DIAPH2: variants seen among roughly 807,000 people sequenced by gnomAD.
DIAPH2 encodes diaphanous related formin 2, also known as protein diaphanous homolog 2.
DIAPH2 carries 35 observed loss-of-function variants against 92.7 expected under a neutral mutation model. The observed-to-expected ratio is 0.38, with a 90% CI of 0.29 to 0.50. The LOEUF (loss-of-function observed/expected upper bound fraction) is 0.50, where lower values mean the gene tolerates loss of function less well. Ranked by LOEUF, DIAPH2 falls within the 20% of genes least tolerant of loss-of-function variation. The pLI is 0.94. For missense variants in DIAPH2, 701 were observed against 819.5 expected (o/e 0.86, Z 1.77); for synonymous variants, 301 against 280.4 (o/e 1.07, Z -0.73).
At chrX:97,278,253 C>G (rs1011508265) in intron 23 of DIAPH2, among the ~76,000 whole-genome samples, 3 of 112,245 alleles carry the variant, frequency 2.7e-5, no homozygotes, top group African/African-American at 9.7e-5. Flanking sequence ...TATATCCCTT[C>G]TCTACCTTTC....
intron 26 of DIAPH2, among the ~76,000 whole-genome samples, chrX:97,495,072 C>G (rs2070749636): frequency 8.9e-6 from 1 of 112,621 alleles, no homozygotes; most frequent in Non-Finnish European, 1.9e-5. Context: ...GCATTCTCTA[C>G]TCTGTATTTT....
At chrX:97,585,175 T>G (rs2071471413) in intron 26 of DIAPH2, among the ~76,000 whole-genome samples, 1 of 111,192 alleles carries the variant, frequency 9.0e-6, no homozygotes, top group African/African-American at 3.3e-5. Context: ...AAACACTTTT[T>G]ACTGTACCAT....
At chrX:97,401,392 A>G (rs1211758685) in intron 25 of DIAPH2, among the ~76,000 whole-genome samples, 1 of 111,016 alleles carries the variant, frequency 9.0e-6, no homozygotes, top group Non-Finnish European at 1.9e-5. Flanking sequence ...CTCAGTTTCA[A>G]GTCATAACCT....
At chrX:97,046,657 A>G (rs1223195311) in intron 17 of DIAPH2, among the ~76,000 whole-genome samples, 14 of 112,160 alleles carry the variant, frequency 1.2e-4, no homozygotes, top group Non-Finnish European at 1.9e-5. Flanking sequence ...AGAATGCCAT[A>G]CAAATGCAGG....
At chrX:96,971,803 A>G (rs1306597784) in intron 17 of DIAPH2, among the ~76,000 whole-genome samples, 1 of 111,822 alleles carries the variant, frequency 8.9e-6, no homozygotes, top group African/African-American at 3.3e-5. Flanking sequence ...TTCTGAAAGG[A>G]CATATACAGG....
chrX:96,733,228 T>C (rs899980738), intron 1 of DIAPH2, among the ~76,000 whole-genome samples: 1 of 111,989 alleles, frequency 8.9e-6, no homozygotes. Flanking sequence ...TTATAGACTA[T>C]GTTAGAACGT....
chrX:97,527,256 A>G (rs775594753), intron 26 of DIAPH2, among the ~76,000 whole-genome samples: 38 of 112,368 alleles, frequency 3.4e-4, no homozygotes, highest in Non-Finnish European at 6.6e-4. Flanking sequence ...TAAGATTAAA[A>G]GTAGAGCATA....
chrX:96,754,867 T>C (rs1470381694), intron 3 of DIAPH2, among the ~76,000 whole-genome samples: 1 of 88,067 alleles, frequency 1.1e-5, no homozygotes, highest in East Asian at 3.5e-4. Flanking sequence ...GAGGTTGCAG[T>C]GAGCCAAGAT....
Position 97,477,638 on chromosome X carries a change from A to G in DIAPH2, c.3241+47893A>G, listed in dbSNP as rs181501139. On this transcript the variant is annotated intron_variant, in intron 26 of 26. Transcript: ENST00000324765. The stretch of plus-strand genomic sequence containing the variant: ...TCTATCTATCTATCTATATATATAT[A>G]TGTGTGTGTGTGTGTATACATGTAT... Among the ~76,000 whole-genome samples, 409 of 109,946 alleles carry G rather than the reference A, an allele frequency of 3.7e-3. 1 individual carries two copies. Among genetic ancestry groups the G allele is most frequent in the African/African-American group, 9.4e-3 (285 of 30,178 alleles).
chrX:96,983,173 C>T (rs1251998283), intron 17 of DIAPH2, among the ~76,000 whole-genome samples: 1 of 111,263 alleles, frequency 9.0e-6, no homozygotes, highest in East Asian at 2.8e-4. Flanking sequence ...ATTAGTAGAG[C>T]ATAATACTGT....
intron 17 of DIAPH2, among the ~76,000 whole-genome samples, chrX:96,980,998 CAAAAAAAA>C (rs1204120424): frequency 1.1e-4 from 5 of 45,530 alleles, no homozygotes; most frequent in African/African-American, 1.9e-4. Flanking sequence ...CCATCTCTAC[CAAAAAAAA>C]AAAAAAAAAA....
chrX:96,958,203 A>G (rs1366257202), intron 16 of DIAPH2, 55 bp downstream of exon 16: 14 of 1,147,307 alleles, frequency 1.2e-5, no homozygotes, highest in African/African-American at 1.1e-4. Context: ...GATCATTGCT[A>G]TGTGTACACA....
intron 26 of DIAPH2, among the ~76,000 whole-genome samples, chrX:97,590,920 A>G (rs1300289998): frequency 1.8e-5 from 2 of 112,105 alleles, no homozygotes; most frequent in Admixed American, 1.9e-4. Flanking sequence ...TTAAAATTAC[A>G]TGTTTATTGA....
Position 97,547,488 on chromosome X carries a change from GCAACTCTCTT to G in DIAPH2, c.3242-51763_3242-51754del, listed in dbSNP as rs2071190286. Among the ~76,000 whole-genome samples the G allele has an allele frequency of 2.7e-5, 3 of 112,109 alleles. No homozygotes were observed. The South Asian group carries it at 1.1e-3, about 42-fold the overall frequency. The stretch of plus-strand genomic sequence containing the variant: ...ACCTGTGGATAATTGAGAGGTGTCA[GCAACTCTCTT>G]CTAACATCAAACAGACATAATAAAA... On this transcript the variant is annotated intron_variant, in intron 26 of 26. Transcript: ENST00000324765.
At chrX:96,961,004 T>G (rs1171485465) in intron 16 of DIAPH2, among the ~76,000 whole-genome samples, 1 of 111,776 alleles carries the variant, frequency 8.9e-6, no homozygotes, top group African/African-American at 3.2e-5. Context: ...TTCCCTAGTA[T>G]TTTGTTGAGG....
At chrX:97,233,241 T>C (rs1184572189) in intron 22 of DIAPH2, among the ~76,000 whole-genome samples, 4 of 112,694 alleles carry the variant, frequency 3.5e-5, no homozygotes, top group African/African-American at 1.3e-4. Context: ...GAAATACTGC[T>C]GAACTAAATC....
intron 21 of DIAPH2, among the ~76,000 whole-genome samples, chrX:97,124,926 T>G (rs1049056074): frequency 9.0e-6 from 1 of 111,239 alleles, no homozygotes; most frequent in African/African-American, 3.3e-5. Context: ...CTTTTGAAAG[T>G]TTTGTATTAG....
intron 26 of DIAPH2, among the ~76,000 whole-genome samples, chrX:97,480,013 A>G (rs1370842792): frequency 8.9e-6 from 1 of 112,095 alleles, no homozygotes; most frequent in Non-Finnish European, 1.9e-5. Context: ...TAGTACTTTA[A>G]TAATAGGCTA....
intron 20 of DIAPH2, among the ~76,000 whole-genome samples, chrX:97,110,592 G>A (rs1022082422): frequency 9.0e-6 from 1 of 111,286 alleles, no homozygotes; most frequent in Non-Finnish European, 1.9e-5. Context: ...GGTAAGGATT[G>A]GTATTATTAT....
Sources: allele counts gnomAD v4.1 joint callset (sites outside exome capture counted in the v4.1 genomes callset), GRCh38; gene constraint gnomAD v4.1.1; transcripts MANE v1.5; gene names NCBI Gene and HGNC (gene_info 2026-07-23, HGNC 2026-07-21).